Variants in CPED1 observed in about 807,000 individuals in gnomAD.
CPED1 encodes cadherin-like and PC-esterase domain-containing protein 1.
In CPED1, 114 loss-of-function variants were observed where a neutral mutation model predicts 128.2. That is an observed-to-expected ratio of 0.89 (90% CI 0.76 to 1.04). CPED1 has a LOEUF of 1.04. Among genes scored for constraint, CPED1 ranks in the 50% least tolerant of loss-of-function variants. CPED1 has a pLI of 0.00. For synonymous variants in CPED1, 462 were observed against 426.7 expected, an observed-to-expected ratio of 1.08 and a Z score of -1.02; for missense variants, 1,211 against 1,207.1, an observed-to-expected ratio of 1.00 and a Z score of -0.05.
chr7:121,231,222 A>C (rs1798133461), intron 16 of CPED1, among the ~76,000 whole-genome samples: 1 of 152,120 alleles, frequency 6.6e-6, no homozygotes, highest in Admixed American at 6.6e-5. Context: ...TTCCAGAAGT[A>C]GAAGAGAATG....
intron 5 of CPED1, among the ~76,000 whole-genome samples, chr7:121,097,017 G>A (rs1794717504): frequency 6.6e-6 from 1 of 152,090 alleles, no homozygotes; most frequent in Non-Finnish European, 1.5e-5. Context: ...TTGGTTTTTG[G>A]TGGGAAGAGG....
At chr7:121,081,128 T>C (rs1438106637) in intron 5 of CPED1, among the ~76,000 whole-genome samples, 2 of 152,180 alleles carry the variant, frequency 1.3e-5, no homozygotes, top group Non-Finnish European at 2.9e-5. Context: ...TAACCATAAT[T>C]AATATTAGTA....
chr7:121,242,711 T>G (rs1219414364), intron 17 of CPED1, among the ~76,000 whole-genome samples: 1 of 152,198 alleles, frequency 6.6e-6, no homozygotes, highest in Non-Finnish European at 1.5e-5. Flanking sequence ...GCATTCCTTT[T>G]GAAAATTTGG....
chr7:121,017,878 T>C (rs978489994), intron 3 of CPED1, among the ~76,000 whole-genome samples: 4 of 152,180 alleles, frequency 2.6e-5, no homozygotes, highest in African/African-American at 9.6e-5. Context: ...CGGCATAAGA[T>C]AACTATATAG....
At chr7:121,173,095 T>C (rs1424252631) in intron 16 of CPED1, among the ~76,000 whole-genome samples, 2 of 152,164 alleles carry the variant, frequency 1.3e-5, no homozygotes, top group Non-Finnish European at 2.9e-5. Flanking sequence ...ATCATTTGGC[T>C]CAATGAACTG....
At chr7:121,278,354 G>A (rs1417473254) in intron 22 of CPED1, among the ~76,000 whole-genome samples, 1 of 152,042 alleles carries the variant, frequency 6.6e-6, no homozygotes, top group Non-Finnish European at 1.5e-5. Flanking sequence ...GTGGGGAGGA[G>A]GGTCTCTCCT....
At chr7:121,247,935 C>A (rs75878072) in intron 18 of CPED1, among the ~76,000 whole-genome samples, 5,954 of 152,312 alleles carry the variant, frequency 0.039, 378 homozygotes, top group African/African-American at 0.13. Context: ...GCAGACCCTC[C>A]TGCCCACCCT....
intron 2 of CPED1, among the ~76,000 whole-genome samples, chr7:121,013,190 G>A (rs942223707): frequency 3.3e-5 from 5 of 152,138 alleles, no homozygotes; most frequent in Non-Finnish European, 7.4e-5. Flanking sequence ...TCTAACTCCT[G>A]TGTCCAAAGG....
chr7:121,051,846 A>G (rs1397825652), intron 4 of CPED1: 1 of 155,012 alleles, frequency 6.5e-6, no homozygotes, highest in Non-Finnish European at 1.4e-5. Flanking sequence ...CTTAAGGAAA[A>G]TTTGCTTCCA....
chr7:121,177,991 A>G (rs1419130874), intron 16 of CPED1, among the ~76,000 whole-genome samples: 1 of 152,124 alleles, frequency 6.6e-6, no homozygotes, highest in Non-Finnish European at 1.5e-5. Context: ...ATTGGAGAAC[A>G]GAAAGAAAAA....
intron 7 of CPED1, 133 bp from the exon 8 acceptor site, chr7:121,124,198 G>T: frequency 1.7e-6 from 1 of 600,076 alleles, no homozygotes; most frequent in Non-Finnish European, 2.7e-6. Context: ...CAAACTTACT[G>T]ATTAGGTGAG....
chr7:121,266,402 C>T lies in CPED1; in HGVS notation c.2486C>T (p.Ser829Leu), dbSNP rs774595481. 2 of 1,613,148 alleles carry T rather than the reference C, an allele frequency of 1.2e-6. No homozygotes were observed. Among genetic ancestry groups the T allele is most frequent in the African/African-American group, 1.3e-5 (1 of 74,968 alleles). Reference protein sequence around the residue: ...SYYPQFWISPSLRPTFENALE... With the variant: ...SYYPQFWISPLLRPTFENALE... Reference sequence around the variant, plus strand: ...TATCCCCAGTTCTGGATAAGCCCTTCATTGAGACCAACATTTGAAAATGCA... The same window carrying T: ...TATCCCCAGTTCTGGATAAGCCCTTTATTGAGACCAACATTTGAAAATGCA... Residue 829 changes from serine (S) to leucine (L), a missense_variant, in exon 19 of 23, where the codon TCA becomes TTA. Coordinates refer to ENST00000310396, the MANE Select transcript of CPED1 (RefSeq NM_024913.5).
At chr7:121,197,842 C>G (rs1329149357) in intron 16 of CPED1, among the ~76,000 whole-genome samples, 2 of 152,140 alleles carry the variant, frequency 1.3e-5, no homozygotes, top group East Asian at 3.9e-4. Flanking sequence ...AGCAAGCTGT[C>G]CAAATTGCCT....
intron 22 of CPED1, among the ~76,000 whole-genome samples, chr7:121,290,339 G>A (rs145693909): frequency 0.024 from 3,627 of 152,228 alleles, 125 homozygotes; most frequent in South Asian, 0.13. Flanking sequence ...GGATTGCTAG[G>A]TCAAATGGTA....
At chr7:121,219,834 C>T (rs546886001) in intron 16 of CPED1, among the ~76,000 whole-genome samples, 8 of 152,140 alleles carry the variant, frequency 5.3e-5, no homozygotes, top group South Asian at 2.1e-4. Flanking sequence ...CTCACTAAAA[C>T]ATAATAACAC....
At chr7:121,099,062 C>T (rs900952425) in intron 6 of CPED1, among the ~76,000 whole-genome samples, 8 of 150,014 alleles carry the variant, frequency 5.3e-5, no homozygotes, top group African/African-American at 1.7e-4. Flanking sequence ...TAAGTTAACT[C>T]TTCATTATCT....
At chr7:121,128,285 C>A in intron 10 of CPED1, 97 bp from the exon 11 acceptor site, 2 of 699,434 alleles carry the variant, frequency 2.9e-6, no homozygotes, top group South Asian at 1.7e-5. Context: ...GTTTATAGAA[C>A]TCAAAATCTG....
intron 5 of CPED1, among the ~76,000 whole-genome samples, chr7:121,082,714 T>C (rs1794323474): frequency 6.6e-6 from 1 of 152,220 alleles, no homozygotes; most frequent in Admixed American, 6.5e-5. Context: ...CAAGAACCTC[T>C]GGGCTACACA....
intron 16 of CPED1, among the ~76,000 whole-genome samples, chr7:121,165,911 A>G (rs1037496932): frequency 6.6e-6 from 1 of 152,232 alleles, no homozygotes; most frequent in Admixed American, 6.5e-5. Flanking sequence ...AAGCTAAGAT[A>G]TGATTGGATG....
Sources: allele counts gnomAD v4.1 joint callset (sites outside exome capture counted in the v4.1 genomes callset), GRCh38; gene constraint gnomAD v4.1.1; transcripts MANE v1.5; gene names NCBI Gene and HGNC (gene_info 2026-07-23, HGNC 2026-07-21).